DNER: variants seen among roughly 807,000 people sequenced by gnomAD.
DNER encodes the protein delta/notch like EGF repeat containing, also known as delta and Notch-like epidermal growth factor-related receptor.
A neutral mutation model predicts 78.2 loss-of-function variants in DNER; 33 were observed. That is an observed-to-expected ratio of 0.42 (90% confidence interval 0.32 to 0.56). The LOEUF (loss-of-function observed/expected upper bound fraction) is 0.56, where lower values mean the gene tolerates loss of function less well. DNER is among the 20% of genes least tolerant of loss of function. The pLI is 0.11. For missense variants in DNER, 918 were observed against 975.3 expected (o/e 0.94, Z 0.78); for synonymous variants, 417 against 384.8 (o/e 1.08, Z -0.98).
intron 4 of DNER, among the ~76,000 whole-genome samples, chr2:229,549,382 T>C (rs941915228): frequency 6.6e-6 from 1 of 152,208 alleles, no homozygotes; most frequent in African/African-American, 2.4e-5. Flanking sequence ...CTCAGCTCAC[T>C]GCAACCTCCG....
intron 1 of DNER, among the ~76,000 whole-genome samples, chr2:229,704,835 G>T (rs1027815033): frequency 6.6e-6 from 1 of 152,206 alleles, no homozygotes; most frequent in Admixed American, 6.5e-5. Flanking sequence ...AAAAGGGTCT[G>T]GGAATCCTTT....
intron 7 of DNER, among the ~76,000 whole-genome samples, chr2:229,468,096 T>C (rs568954890): frequency 1.3e-5 from 2 of 152,334 alleles, no homozygotes; most frequent in Admixed American, 6.5e-5. Flanking sequence ...GAGGAAATTA[T>C]GACAGTGAAA....
intron 1 of DNER, among the ~76,000 whole-genome samples, chr2:229,600,898 T>C (rs1208013430): frequency 6.6e-6 from 1 of 152,196 alleles, no homozygotes; most frequent in Admixed American, 6.5e-5. Flanking sequence ...TGACTCTGTC[T>C]GCCAGTTGGA....
chr2:229,593,516 T>C (rs1271280509), intron 1 of DNER, among the ~76,000 whole-genome samples: 1 of 152,192 alleles, frequency 6.6e-6, no homozygotes, highest in Admixed American at 6.5e-5. Context: ...GCTGCACGAA[T>C]TCAGGTATTT....
At chr2:229,508,774 G>A (rs1215411678) in intron 6 of DNER, among the ~76,000 whole-genome samples, 2 of 152,046 alleles carry the variant, frequency 1.3e-5, no homozygotes, top group East Asian at 1.9e-4. Flanking sequence ...CCAGCTACTC[G>A]GGAGGCTGAG....
At chr2:229,505,050 A>G (rs1385490185) in intron 6 of DNER, among the ~76,000 whole-genome samples, 1 of 152,218 alleles carries the variant, frequency 6.6e-6, no homozygotes, top group Non-Finnish European at 1.5e-5. Flanking sequence ...TGATATGTTC[A>G]TAACATGAAG....
At position 229,474,066 on chromosome 2, in the gene DNER, C is replaced by T. The variant is rs145258500; in HGVS notation, c.1261+3074G>A. ...GATTACAGGTGTGTGCCACCACACC[C>T]GGCTAAATTTTATATTTTTAGTAGA... On this transcript the variant is annotated intron_variant, in intron 7 of 12. Transcript: ENST00000341772. Among the ~76,000 whole-genome samples, 206 of 152,116 alleles carry T rather than the reference C, an allele frequency of 1.4e-3. 1 individual carries two copies. Among genetic ancestry groups the T allele is most frequent in the African/African-American group, 4.6e-3 (190 of 41,502 alleles).
intron 10 of DNER, among the ~76,000 whole-genome samples, chr2:229,404,508 G>A (rs754057410): frequency 6.6e-6 from 1 of 152,166 alleles, no homozygotes; most frequent in Non-Finnish European, 1.5e-5. Context: ...TTGACATGTG[G>A]GGATTATGGG....
chr2:229,373,007 A>G (rs1321624525), intron 11 of DNER, among the ~76,000 whole-genome samples: 1 of 152,154 alleles, frequency 6.6e-6, no homozygotes, highest in East Asian at 1.9e-4. Flanking sequence ...TATACATGTT[A>G]AATTGGAGGT....
intron 1 of DNER, among the ~76,000 whole-genome samples, chr2:229,689,817 C>A (rs993351959): frequency 2.0e-5 from 3 of 152,136 alleles, no homozygotes; most frequent in African/African-American, 7.2e-5. Flanking sequence ...AATTAAGTTT[C>A]GAAAAAGGTG....
intron 1 of DNER, among the ~76,000 whole-genome samples, chr2:229,631,031 A>G (rs1165702466): frequency 2.0e-5 from 3 of 152,052 alleles, no homozygotes; most frequent in South Asian, 2.1e-4. Flanking sequence ...TCTTTATCCA[A>G]TCCACCACTG....
intron 8 of DNER, among the ~76,000 whole-genome samples, chr2:229,433,135 T>A (rs1694047358): frequency 6.6e-6 from 1 of 152,172 alleles, no homozygotes; most frequent in Admixed American, 6.5e-5. Flanking sequence ...AGACAGGGTT[T>A]CACCATGTTG....
At chr2:229,515,667 G>C (rs552749449) in intron 5 of DNER, among the ~76,000 whole-genome samples, 1 of 124,824 alleles carries the variant, frequency 8.0e-6, no homozygotes, top group South Asian at 2.6e-4. Context: ...TTTTGAGACA[G>C]TCTCACTCTG....
At chr2:229,678,911 T>G (rs1350461026) in intron 1 of DNER, among the ~76,000 whole-genome samples, 1 of 152,126 alleles carries the variant, frequency 6.6e-6, no homozygotes, top group Non-Finnish European at 1.5e-5. Context: ...CCAAGACAGA[T>G]CCACAAAGCA....
At chr2:229,458,458 A>G (rs2154210749) in intron 7 of DNER, among the ~76,000 whole-genome samples, 1 of 152,130 alleles carries the variant, frequency 6.6e-6, no homozygotes, top group East Asian at 1.9e-4. Flanking sequence ...TGACAAAATG[A>G]GCTAGTTTAT....
intron 7 of DNER, among the ~76,000 whole-genome samples, chr2:229,464,736 C>T (rs974916234): frequency 1.1e-4 from 17 of 151,874 alleles, no homozygotes; most frequent in African/African-American, 3.6e-4. Context: ...AAGCAGGGTG[C>T]GGTGGGTAGA....
At chr2:229,643,228 T>A (rs1268820210) in intron 1 of DNER, among the ~76,000 whole-genome samples, 1 of 151,912 alleles carries the variant, frequency 6.6e-6, no homozygotes, top group Non-Finnish European at 1.5e-5. Context: ...AAAATAATAA[T>A]AATAATAAGG....
chr2:229,665,317 A>G (rs1023915028), intron 1 of DNER, among the ~76,000 whole-genome samples: 1 of 152,198 alleles, frequency 6.6e-6, no homozygotes, highest in African/African-American at 2.4e-5. Flanking sequence ...AAGGGATTCC[A>G]AGAAAGCCAG....
At chr2:229,678,069 A>G (rs1490863169) in intron 1 of DNER, among the ~76,000 whole-genome samples, 1 of 152,192 alleles carries the variant, frequency 6.6e-6, no homozygotes, top group East Asian at 1.9e-4. Context: ...AAACATTTTT[A>G]ATGAGCTTTG....
Sources: allele counts gnomAD v4.1 joint callset (sites outside exome capture counted in the v4.1 genomes callset), GRCh38; gene constraint gnomAD v4.1.1; transcripts MANE v1.5; gene names NCBI Gene and HGNC (gene_info 2026-07-23, HGNC 2026-07-21).